The following CSMD3 variants were observed in gnomAD, a reference collection of about 807,000 sequenced individuals.
The protein encoded by CSMD3 is CUB and sushi domain-containing protein 3.
CSMD3 carries 177 observed loss-of-function variants against 435.2 expected under a neutral mutation model. That is an observed-to-expected ratio of 0.41 (90% CI 0.36 to 0.46). CSMD3 has a LOEUF of 0.46. Among genes scored for constraint, CSMD3 ranks in the 20% least tolerant of loss-of-function variants. The pLI, the probability that CSMD3 is intolerant of heterozygous loss-of-function variation, is 0.34. For synonymous variants in CSMD3, 1,656 were observed against 1,520.5 expected (o/e 1.09, Z -2.07); for missense variants, 4,265 against 4,504.6 (o/e 0.95, Z 1.52).
intron 3 of CSMD3, among the ~76,000 whole-genome samples, chr8:113,184,703 C>T (rs1349847892): frequency 6.6e-6 from 1 of 152,008 alleles, no homozygotes; most frequent in East Asian, 1.9e-4. Flanking sequence ...GTCTGCTAGA[C>T]TGAGGCCACT....
At chr8:113,192,388 T>C (rs2092598545) in intron 3 of CSMD3, among the ~76,000 whole-genome samples, 1 of 151,668 alleles carries the variant, frequency 6.6e-6, no homozygotes. Context: ...CTAGCACCCT[T>C]TCAATTTTCT....
chr8:112,617,290 T>A (rs571892680), intron 22 of CSMD3, among the ~76,000 whole-genome samples: 1 of 152,210 alleles, frequency 6.6e-6, no homozygotes, highest in African/African-American at 2.4e-5. Flanking sequence ...TATTGATTTA[T>A]AACTTTTTTC....
chr8:112,279,743 C>CTTAATAT (rs1818447201), intron 59 of CSMD3, among the ~76,000 whole-genome samples: 1 of 152,088 alleles, frequency 6.6e-6, no homozygotes, highest in Non-Finnish European at 1.5e-5. Flanking sequence ...CCTGATGCCC[C>CTTAATAT]TGATTAAGAC....
At chr8:112,272,846 C>A (rs1480939747) in intron 59 of CSMD3, among the ~76,000 whole-genome samples, 1 of 152,070 alleles carries the variant, frequency 6.6e-6, no homozygotes, top group Admixed American at 6.6e-5. Flanking sequence ...TCCACTGAAA[C>A]CTCTCTCTTT....
chr8:113,204,516 A>G (rs1563543043), intron 3 of CSMD3, among the ~76,000 whole-genome samples: 1 of 152,152 alleles, frequency 6.6e-6, no homozygotes. Flanking sequence ...CAATTTTTAA[A>G]TAAATTTAGT....
chr8:112,314,802 T>C (rs1822312116), intron 47 of CSMD3, among the ~76,000 whole-genome samples, 185 bp from the exon 48 acceptor site: 1 of 152,030 alleles, frequency 6.6e-6, no homozygotes, highest in Admixed American at 6.6e-5. Flanking sequence ...GACCTAAAAA[T>C]TTATAGTATT....
chr8:112,784,098 T>C (rs746593893), intron 13 of CSMD3, among the ~76,000 whole-genome samples: 10 of 151,962 alleles, frequency 6.6e-5, no homozygotes, highest in Non-Finnish European at 1.3e-4. Flanking sequence ...ATGGTCCTAA[T>C]AGATATTTGC....
chr8:112,301,049 T>C (rs1234005776), intron 53 of CSMD3, among the ~76,000 whole-genome samples: 1 of 152,134 alleles, frequency 6.6e-6, no homozygotes, highest in Non-Finnish European at 1.5e-5. Flanking sequence ...AGAAAAATTT[T>C]CATTATTACC....
At chr8:113,419,541 A>G (rs1344433452) in intron 1 of CSMD3, among the ~76,000 whole-genome samples, 2 of 152,106 alleles carry the variant, frequency 1.3e-5, no homozygotes, top group African/African-American at 4.8e-5. Context: ...CAGATTTAGA[A>G]AGGGCTATTG....
At chr8:113,203,184 G>A (rs10955652) in intron 3 of CSMD3, among the ~76,000 whole-genome samples, 4,508 of 152,162 alleles carry the variant, frequency 0.03, 87 homozygotes, top group Admixed American at 0.04. Context: ...CTAATGACCT[G>A]ACCTGATCAC....
chr8:112,237,404 G>A (rs2129996233), intron 66 of CSMD3, 56 bp from the exon 67 acceptor site: 1 of 1,233,468 alleles, frequency 8.1e-7, no homozygotes, highest in Non-Finnish European at 1.2e-6. Flanking sequence ...ATAAATATAA[G>A]CATTAAATAG....
chr8:112,625,410 C>T (rs1211104846), intron 22 of CSMD3, among the ~76,000 whole-genome samples: 2 of 151,892 alleles, frequency 1.3e-5, no homozygotes, highest in African/African-American at 4.8e-5. Context: ...ACAAAAAAGG[C>T]TCAGAATTTC....
At chr8:112,306,274 A>G (rs1821414201) in intron 50 of CSMD3, 82 bp from the exon 51 acceptor site, 1 of 983,114 alleles carries the variant, frequency 1.0e-6, no homozygotes, top group African/African-American at 1.6e-5. Flanking sequence ...ACTGTAAAAC[A>G]TGCAAAACTA....
At chr8:113,034,390 T>C (rs534082463) in intron 5 of CSMD3, among the ~76,000 whole-genome samples, 4 of 151,596 alleles carry the variant, frequency 2.6e-5, no homozygotes, top group East Asian at 3.9e-4. Flanking sequence ...TGAGTAAACC[T>C]TGAAAACATC....
At chr8:112,467,740 AACAG>A (rs1818104186) in intron 32 of CSMD3, among the ~76,000 whole-genome samples, 1 of 152,138 alleles carries the variant, frequency 6.6e-6, no homozygotes, top group South Asian at 2.1e-4. Flanking sequence ...GACACACAGA[AACAG>A]ACAGTTAGGA....
intron 38 of CSMD3, among the ~76,000 whole-genome samples, chr8:112,353,317 G>A (rs1357483179): frequency 1.3e-5 from 2 of 152,086 alleles, no homozygotes; most frequent in African/African-American, 4.8e-5. Flanking sequence ...TTGAACCCAG[G>A]AGGCGGAGGT....
intron 3 of CSMD3, among the ~76,000 whole-genome samples, chr8:113,190,452 G>A (rs1306288659): frequency 6.6e-6 from 1 of 151,764 alleles, no homozygotes; most frequent in Non-Finnish European, 1.5e-5. Flanking sequence ...TGCATGGAGA[G>A]TTGATGGAAT....
intron 4 of CSMD3, among the ~76,000 whole-genome samples, chr8:113,166,809 A>G (rs2092158843): frequency 6.6e-6 from 1 of 152,096 alleles, no homozygotes; most frequent in African/African-American, 2.4e-5. Context: ...CCTCAGTGTT[A>G]TTATCATATT....
chr8:112,292,490 G>A, intron 55 of CSMD3, 47 bp downstream of exon 55: 2 of 1,581,952 alleles, frequency 1.3e-6, no homozygotes, highest in Middle Eastern at 3.3e-4. Flanking sequence ...ATGTTTATGT[G>A]AATATTATTA....
Sources: allele counts gnomAD v4.1 joint callset (sites outside exome capture counted in the v4.1 genomes callset), GRCh38; gene constraint gnomAD v4.1.1; transcripts MANE v1.5; gene names NCBI Gene and HGNC (gene_info 2026-07-23, HGNC 2026-07-21).